The following FAF1 variants were observed in gnomAD, a reference collection of about 807,000 sequenced individuals.
The protein encoded by FAF1 is FAS-associated factor 1.
Under a neutral mutation model 92.5 loss-of-function variants are expected in FAF1, and 25 were observed. The ratio of observed to expected loss-of-function variants is 0.27; its 90% CI spans 0.20 to 0.38. FAF1 has a LOEUF of 0.38. Ranked by LOEUF, FAF1 falls within the 10% of genes least tolerant of loss-of-function variation. The pLI, the probability that FAF1 is intolerant of heterozygous loss-of-function variation, is 1.00. For synonymous variants in FAF1, 234 were observed against 273.2 expected, an observed-to-expected ratio of 0.86 and a Z score of 1.42; for missense variants, 636 against 793.3, an observed-to-expected ratio of 0.80 and a Z score of 2.38.
chr1:50,482,192 T>C (rs1646712202), intron 17 of FAF1, among the ~76,000 whole-genome samples: 1 of 152,190 alleles, frequency 6.6e-6, no homozygotes, highest in African/African-American at 2.4e-5. Context: ...CCTAGTTTTG[T>C]GTTTTCCAGA....
intron 8 of FAF1, among the ~76,000 whole-genome samples, chr1:50,602,748 C>A (rs760366239): frequency 1.3e-5 from 2 of 151,936 alleles, no homozygotes; most frequent in East Asian, 3.8e-4. Context: ...GTGATCTGCC[C>A]GCCTCGGCTT....
At chr1:50,915,268 G>T (rs1644911610) in intron 1 of FAF1, among the ~76,000 whole-genome samples, 1 of 151,840 alleles carries the variant, frequency 6.6e-6, no homozygotes, top group Admixed American at 6.6e-5. Flanking sequence ...TACTTGGGAG[G>T]CTGAGGCACG....
At chr1:50,775,267 G>T (rs1381255392) in intron 4 of FAF1, among the ~76,000 whole-genome samples, 1 of 151,912 alleles carries the variant, frequency 6.6e-6, no homozygotes, top group African/African-American at 2.4e-5. Context: ...TGAGCCATTT[G>T]TTTCCTCAAC....
intron 4 of FAF1, among the ~76,000 whole-genome samples, chr1:50,747,387 T>C (rs1411540059): frequency 6.6e-6 from 1 of 152,180 alleles, no homozygotes; most frequent in Non-Finnish European, 1.5e-5. Flanking sequence ...ATTTGGAACA[T>C]TAAGATTTAA....
intron 7 of FAF1, among the ~76,000 whole-genome samples, chr1:50,655,753 C>A (rs1025827281): frequency 6.6e-6 from 1 of 152,142 alleles, no homozygotes; most frequent in African/African-American, 2.4e-5. Flanking sequence ...TAAGAAATAT[C>A]CTCCCTCTCT....
At position 50,437,236 on chromosome 1, in the gene FAF1, T is replaced by C. The variant is rs1646135872; in HGVS notation, c.*4204A>G. On this transcript the variant is annotated 3_prime_UTR_variant, in exon 19 of 19. Coordinates refer to ENST00000396153, the MANE Select transcript of FAF1 (RefSeq NM_007051.3). ...TCTGGAGGTTTCTTTTAGATAAAAA[T>C]ACGGATTGATAAAAAGAATGGACAG... The C allele has an allele frequency of 6.6e-6, 1 of 152,172 alleles. No homozygotes were observed. The highest frequency in any genetic ancestry group is 2.4e-5 in the African/African-American group (1 of 41,438). 9.4% of individuals were successfully genotyped at this position (152,172 alleles called of 1,614,324 possible). A position where few individuals can be genotyped will look rare whatever the true frequency, so the allele number is the denominator to read the frequency against.
intron 1 of FAF1, among the ~76,000 whole-genome samples, chr1:50,954,062 C>T (rs1645244307): frequency 6.6e-6 from 1 of 151,960 alleles, no homozygotes; most frequent in Non-Finnish European, 1.5e-5. Flanking sequence ...CATTCTCCTG[C>T]CTCAGCCTCC....
At chr1:50,596,431 G>A (rs1651820319) in intron 8 of FAF1, among the ~76,000 whole-genome samples, 1 of 152,134 alleles carries the variant, frequency 6.6e-6, no homozygotes, top group Non-Finnish European at 1.5e-5. Flanking sequence ...TTAGATGATA[G>A]ACTGAGGTTC....
chr1:50,728,130 A>T (rs1331494826), intron 6 of FAF1, among the ~76,000 whole-genome samples: 2 of 152,178 alleles, frequency 1.3e-5, no homozygotes, highest in African/African-American at 4.8e-5. Context: ...TAATATCACT[A>T]ATATAATGCA....
chr1:50,860,453 C>A (rs1644423101), intron 1 of FAF1, among the ~76,000 whole-genome samples: 1 of 152,012 alleles, frequency 6.6e-6, no homozygotes, highest in African/African-American at 2.4e-5. Flanking sequence ...CATGAACAGA[C>A]ACTTCTCAAA....
chr1:50,695,135 C>T (rs1407556470), intron 7 of FAF1, among the ~76,000 whole-genome samples: 3 of 151,600 alleles, frequency 2.0e-5, no homozygotes, highest in Middle Eastern at 3.2e-3. Context: ...TGGTTGGGCA[C>T]GGTGGCTCAA....
chr1:50,487,664 G>A (rs2149006497), intron 17 of FAF1, among the ~76,000 whole-genome samples: 1 of 152,294 alleles, frequency 6.6e-6, no homozygotes, highest in African/African-American at 2.4e-5. Flanking sequence ...ACAGCAAAAT[G>A]AGGCTAACCA....
chr1:50,517,660 T>C (rs1647269277), intron 15 of FAF1, among the ~76,000 whole-genome samples: 1 of 152,232 alleles, frequency 6.6e-6, no homozygotes, highest in Non-Finnish European at 1.5e-5. Context: ...CCCACACCAA[T>C]GGCTGCAGTC....
At chr1:50,639,078 T>TGTA (rs1654199090) in intron 8 of FAF1, among the ~76,000 whole-genome samples, 1 of 152,230 alleles carries the variant, frequency 6.6e-6, no homozygotes, top group African/African-American at 2.4e-5. Flanking sequence ...CACACAGTGA[T>TGTA]GTAGTCTTTG....
chr1:50,779,991 G>GACAGACACACACACACAC (rs369288416), intron 4 of FAF1, among the ~76,000 whole-genome samples: 2,105 of 145,460 alleles, frequency 0.014, 21 homozygotes, highest in East Asian at 0.028. Context: ...CAGACAGACA[G>GACAGACACACACACACAC]ACACACACAC....
At chr1:50,859,558 G>C (rs1413900087) in intron 1 of FAF1, among the ~76,000 whole-genome samples, 5 of 151,938 alleles carry the variant, frequency 3.3e-5, no homozygotes, top group Non-Finnish European at 5.9e-5. Context: ...CCAAGGAGAT[G>C]AAAGATCTCT....
At chr1:50,592,030 G>A (rs910754244) in intron 9 of FAF1, among the ~76,000 whole-genome samples, 6 of 152,074 alleles carry the variant, frequency 3.9e-5, no homozygotes, top group African/African-American at 1.4e-4. Flanking sequence ...CACTATGCTA[G>A]GTGTTAGGGC....
intron 4 of FAF1, among the ~76,000 whole-genome samples, chr1:50,761,169 C>A (rs1255285593): frequency 6.6e-6 from 1 of 152,176 alleles, no homozygotes; most frequent in Non-Finnish European, 1.5e-5. Flanking sequence ...AGACCAATAA[C>A]AGGCTCTGAA....
At chr1:50,458,742 TAGC>T (rs1646387604) in intron 18 of FAF1, among the ~76,000 whole-genome samples, 1 of 152,248 alleles carries the variant, frequency 6.6e-6, no homozygotes, top group African/African-American at 2.4e-5. Flanking sequence ...TTCATCATAA[TAGC>T]TTAGAAATGC....
Sources: gnomAD v4.1 joint callset for allele counts (sites outside exome capture counted in the v4.1 genomes callset) on GRCh38, gnomAD v4.1.1 for gene constraint, MANE v1.5 for transcripts, NCBI Gene and HGNC (gene_info 2026-07-23, HGNC 2026-07-21) for gene names.